PGBD5: variants seen among roughly 807,000 people sequenced by gnomAD.
PGBD5 encodes piggyBac transposable element derived 5, also known as piggyBac transposable element-derived protein 5.
Under a neutral mutation model 47.9 loss-of-function variants are expected in PGBD5, and 14 were observed. The observed-to-expected ratio is 0.29, with a 90% CI of 0.19 to 0.46. The LOEUF is 0.46. Among genes scored for constraint, PGBD5 ranks in the 20% least tolerant of loss-of-function variants. The pLI, the probability that PGBD5 is intolerant of heterozygous loss-of-function variation, is 1.00. For missense variants in PGBD5, 635 were observed against 716.0 expected (o/e 0.89, Z 1.29); for synonymous variants, 316 against 306.3 (o/e 1.03, Z -0.33).
intron 1 of PGBD5, among the ~76,000 whole-genome samples, chr1:230,374,959 G>A (rs1469814415): frequency 6.6e-6 from 1 of 152,194 alleles, no homozygotes; most frequent in Non-Finnish European, 1.5e-5. Context: ...GGCCCTCCTT[G>A]AGCCTGCAGC....
rs1001106407 is a variant in PGBD5 at position 230,315,327 on chromosome 1, T to C, written c.*8098A>G. 9.9e-5 allele frequency: 15 copies of C among 152,264 alleles called. No individual in the cohort carries two copies. Among genetic ancestry groups the C allele is most frequent in the Non-Finnish European group, 1.5e-4 (10 of 68,100 alleles). The allele number at this position is 152,264 out of a possible 1,614,324, so 9.4% of individuals were successfully genotyped here. A position where few individuals can be genotyped will look rare whatever the true frequency, so the allele number is the denominator to read the frequency against. ...GGCAGCTCTAAGGTTGGAAACTGCT[T>C]TCCCCACTGAGCTGAAGGCTGCCTC... On this transcript the variant is annotated 3_prime_UTR_variant, in exon 7 of 7. Coordinates refer to ENST00000391860, the MANE Select transcript of PGBD5 (RefSeq NM_001258311.2).
At chr1:230,414,382 T>A (rs1294409473) in intron 1 of PGBD5, among the ~76,000 whole-genome samples, 1 of 152,154 alleles carries the variant, frequency 6.6e-6, no homozygotes, top group Non-Finnish European at 1.5e-5. Context: ...TCTCAACTAT[T>A]CCAATTTCCC....
chr1:230,319,140 G>A lies in PGBD5; in HGVS notation c.*4285C>T, dbSNP rs748492313. The A allele has an allele frequency of 6.6e-6, 1 of 152,216 alleles. No individual in the cohort carries two copies. The highest frequency in any genetic ancestry group is 1.5e-5 in the Non-Finnish European group (1 of 68,066). 9.4% of individuals were successfully genotyped at this position (152,216 alleles called of 1,614,324 possible). ...GCGGCCTCCTGCGTCAGGCAAACCC[G>A]GGTCTGCTTACCTGGGCGAACCATT... is the stretch of plus-strand genomic sequence containing the variant. On this transcript the variant is annotated 3_prime_UTR_variant, in exon 7 of 7. Coordinates refer to ENST00000391860, the MANE Select transcript of PGBD5 (RefSeq NM_001258311.2).
chr1:230,375,652 C>CTTTTTTTTTTT (rs199545872), intron 1 of PGBD5, among the ~76,000 whole-genome samples: 4 of 105,660 alleles, frequency 3.8e-5, no homozygotes, highest in African/African-American at 1.8e-4. Flanking sequence ...TCCTATTTGA[C>CTTTTTTTTTTT]TTTTTTTTTT....
intron 1 of PGBD5, among the ~76,000 whole-genome samples, chr1:230,417,342 C>T (rs1303363590): frequency 6.6e-6 from 1 of 152,206 alleles, no homozygotes; most frequent in African/African-American, 2.4e-5. Flanking sequence ...CATTTCTCAA[C>T]ATGCTTGGCA....
In PGBD5 at chr1:230,407,518, G is replaced by A. The variant is rs142159033; in HGVS notation, c.331+18080C>T. Among the ~76,000 whole-genome samples the A allele has an allele frequency of 2.6e-5, 4 of 152,268 alleles. No homozygotes were observed. The East Asian group carries it at 7.7e-4, about 29-fold the overall frequency. On this transcript the variant is annotated intron_variant, in intron 1 of 6. Coordinates refer to ENST00000391860, the MANE Select transcript of PGBD5 (RefSeq NM_001258311.2). ...TCCAGGCCTTTGAGTCTGACAGCCT[G>A]CTTGCTGGATTAATGAGGAAATCAG... is the stretch of plus-strand genomic sequence containing the variant.
Position 230,314,965 on chromosome 1 carries a change from A to C in PGBD5, c.*8460T>G, listed in dbSNP as rs901885316. ...TCTCCTGAACTAGGGATGAGTGTGAATCTCCATTTGAGGAAGGGGAAGAAG... is the reference window on the plus strand; with the variant it reads ...TCTCCTGAACTAGGGATGAGTGTGACTCTCCATTTGAGGAAGGGGAAGAAG... On this transcript the variant is annotated 3_prime_UTR_variant, in exon 7 of 7. Coordinates refer to ENST00000391860, the MANE Select transcript of PGBD5 (RefSeq NM_001258311.2). 1 of 151,860 alleles carries C rather than the reference A, an allele frequency of 6.6e-6. No individual in the cohort carries two copies. Among genetic ancestry groups the C allele is most frequent in the Admixed American group, 6.5e-5 (1 of 15,270 alleles). The allele number at this position is 151,860 out of a possible 1,614,324, so 9.4% of individuals were successfully genotyped here.
intron 1 of PGBD5, among the ~76,000 whole-genome samples, chr1:230,369,545 C>T (rs576361924): frequency 3.8e-4 from 58 of 152,192 alleles, no homozygotes; most frequent in Non-Finnish European, 6.3e-4. Flanking sequence ...GCCAAAGGTG[C>T]GCAGCCCTGC....
At chr1:230,362,433 C>A in intron 1 of PGBD5, 1 of 1,293,602 alleles carries the variant, frequency 7.7e-7, no homozygotes, top group Non-Finnish European at 1.0e-6. Flanking sequence ...AGACCTGGAC[C>A]GTGGCAAGCT....
intron 1 of PGBD5, among the ~76,000 whole-genome samples, chr1:230,376,313 G>A (rs937673603): frequency 6.6e-6 from 1 of 152,108 alleles, no homozygotes; most frequent in African/African-American, 2.4e-5. Context: ...GAGTCCTGTC[G>A]TCCTGGACTG....
chr1:230,328,068 A>G (rs1326886625), intron 5 of PGBD5, among the ~76,000 whole-genome samples: 1 of 152,000 alleles, frequency 6.6e-6, no homozygotes. Flanking sequence ...CCCCGCTCTG[A>G]GTCATTAGTG....
chr1:230,396,062 C>T (rs955271524), intron 1 of PGBD5, among the ~76,000 whole-genome samples: 4 of 147,644 alleles, frequency 2.7e-5, no homozygotes, highest in Admixed American at 6.8e-5. Context: ...TTCCCTCTTT[C>T]CTCCATCTTC....
At chr1:230,397,063 C>T (rs528781663) in intron 1 of PGBD5, among the ~76,000 whole-genome samples, 13 of 152,132 alleles carry the variant, frequency 8.5e-5, no homozygotes, top group Non-Finnish European at 1.3e-4. Context: ...TGGTTTATGC[C>T]GAATCCTCGG....
chr1:230,400,519 C>T (rs1467459859), intron 1 of PGBD5, among the ~76,000 whole-genome samples: 1 of 152,208 alleles, frequency 6.6e-6, no homozygotes, highest in Non-Finnish European at 1.5e-5. Flanking sequence ...AAAACAGTGC[C>T]TGAGACATAA....
At chr1:230,362,885 C>T (rs1667769909) in intron 1 of PGBD5, among the ~76,000 whole-genome samples, 1 of 152,104 alleles carries the variant, frequency 6.6e-6, no homozygotes, top group African/African-American at 2.4e-5. Context: ...AAGGTTAGGT[C>T]AGCCAGGGAC....
At chr1:230,340,356 A>G (rs1373914209) in intron 3 of PGBD5, among the ~76,000 whole-genome samples, 1 of 152,180 alleles carries the variant, frequency 6.6e-6, no homozygotes, top group African/African-American at 2.4e-5. Context: ...GGAATGTGAT[A>G]TACTTTAAAA....
rs968834798 is a variant in PGBD5, at chr1:230,321,007, C to G, written c.*2418G>C. On this transcript the variant is annotated 3_prime_UTR_variant, in exon 7 of 7. Coordinates refer to ENST00000391860, the MANE Select transcript of PGBD5 (RefSeq NM_001258311.2). Reference sequence around the variant, plus strand: ...AGTGTTACAATGTTACAATTATTCTCTCATGACTGGGGAATGCAGCCACCC... The same window carrying G: ...AGTGTTACAATGTTACAATTATTCTGTCATGACTGGGGAATGCAGCCACCC... 1 of 152,224 alleles carries G rather than the reference C, an allele frequency of 6.6e-6. No individual in the cohort carries two copies. Among genetic ancestry groups the G allele is most frequent in the African/African-American group, 2.4e-5 (1 of 41,458 alleles). The allele number at this position is 152,224 out of a possible 1,614,324, so 9.4% of individuals were successfully genotyped here.
intron 3 of PGBD5, among the ~76,000 whole-genome samples, chr1:230,349,704 G>A (rs758228574): frequency 5.3e-5 from 8 of 152,140 alleles, no homozygotes; most frequent in Non-Finnish European, 7.3e-5. Flanking sequence ...AAATGAACCC[G>A]ACGCACCTGT....
intron 1 of PGBD5, among the ~76,000 whole-genome samples, chr1:230,422,805 C>T (rs1299820644): frequency 6.6e-6 from 1 of 152,034 alleles, no homozygotes; most frequent in Non-Finnish European, 1.5e-5. Context: ...ACCTTAACTA[C>T]AGAAATGTTG....
Sources: gnomAD v4.1 joint callset for allele counts (sites outside exome capture counted in the v4.1 genomes callset) on GRCh38, gnomAD v4.1.1 for gene constraint, MANE v1.5 for transcripts, NCBI Gene and HGNC (gene_info 2026-07-23, HGNC 2026-07-21) for gene names.